NRXN3: variants seen among roughly 807,000 people sequenced by gnomAD.
NRXN3 encodes the protein neurexin 3.
Under a neutral mutation model 137.6 loss-of-function variants are expected in NRXN3, and 32 were observed. That is an observed-to-expected ratio of 0.23 (90% CI 0.18 to 0.31). The LOEUF is 0.31. Among genes scored for constraint, NRXN3 ranks in the 10% least tolerant of loss-of-function variants. The probability of loss-of-function intolerance (pLI) is 1.00; values close to 1 mark genes in which losing one functional copy is unlikely to be tolerated. For synonymous variants in NRXN3, 798 were observed against 784.5 expected, an observed-to-expected ratio of 1.02 and a Z score of -0.29; for missense variants, 1,574 against 2,062.5, an observed-to-expected ratio of 0.76 and a Z score of 4.59.
At chr14:78,913,236 T>C in intron 10 of NRXN3, among the ~76,000 whole-genome samples, 1 of 150,894 alleles carries the variant, frequency 6.6e-6, no homozygotes, top group Non-Finnish European at 1.5e-5. Flanking sequence ...TTCTTTTTTC[T>C]TTTCCTTTCT....
chr14:79,524,888 T>C (rs141626322), intron 16 of NRXN3, among the ~76,000 whole-genome samples: 1,868 of 152,330 alleles, frequency 0.012, 32 homozygotes, highest in African/African-American at 0.043. Context: ...CTAATGGTAA[T>C]GGACTGAGGC....
In NRXN3 at chr14:78,442,915, C is replaced by T. The variant is rs569852471; in HGVS notation, c.757+145055C>T. Among the ~76,000 whole-genome samples, 6 of 152,304 alleles carry T rather than the reference C, an allele frequency of 3.9e-5. No individual in the cohort carries two copies. In the South Asian group the frequency reaches 1.2e-3, roughly 32 times the overall value. ...ACTTACAGATTACTCTGACTTACCTCATTGCGTTTTGTATTTATGGTAAAC... is the reference window on the plus strand; with the variant it reads ...ACTTACAGATTACTCTGACTTACCTTATTGCGTTTTGTATTTATGGTAAAC... On this transcript the variant is annotated intron_variant, in intron 4 of 20. Transcript: ENST00000335750.
chr14:78,252,923 A>T (rs1278640976), intron 2 of NRXN3, among the ~76,000 whole-genome samples: 3 of 152,228 alleles, frequency 2.0e-5, no homozygotes, highest in Non-Finnish European at 4.4e-5. Context: ...AAAGGGCTGG[A>T]CAGGCTGGGA....
At chr14:79,762,729 C>T (rs2099042899) in intron 19 of NRXN3, among the ~76,000 whole-genome samples, 1 of 151,492 alleles carries the variant, frequency 6.6e-6, no homozygotes, top group Non-Finnish European at 1.5e-5. Flanking sequence ...CGATGCCTGT[C>T]ACAAAGAAAA....
chr14:78,749,705 G>T (rs2098631838), intron 8 of NRXN3, among the ~76,000 whole-genome samples: 1 of 152,180 alleles, frequency 6.6e-6, no homozygotes, highest in African/African-American at 2.4e-5. Flanking sequence ...TGAATGGGGA[G>T]GCAGAAACAT....
Position 79,429,715 on chromosome 14 carries a change from A to T in NRXN3, c.3263-37506A>T, listed in dbSNP as rs547709981. 7.2e-5 allele frequency among the ~76,000 whole-genome samples: 11 copies of T among 152,256 alleles called. No individual in the cohort carries two copies. The South Asian group carries it at 2.3e-3, about 32-fold the overall frequency. On this transcript the variant is annotated intron_variant, in intron 15 of 20. Coordinates refer to ENST00000335750, the MANE Select transcript of NRXN3 (RefSeq NM_001330195.2). ...TCTTCGCAAGGGCTTCTAGTCATTG[A>T]CTTACCCAGATCTATCGTCACCTCT...
chr14:78,172,345 G>A (rs1023627270), intron 1 of NRXN3, among the ~76,000 whole-genome samples: 9 of 152,136 alleles, frequency 5.9e-5, no homozygotes, highest in Non-Finnish European at 1.2e-4. Context: ...CATCGTTCAA[G>A]GGCTTCTGCA....
intron 12 of NRXN3, 30 bp from the exon 13 acceptor site, chr14:78,967,178 A>G: frequency 6.5e-7 from 1 of 1,536,124 alleles, no homozygotes; most frequent in Non-Finnish European, 8.8e-7. Context: ...GGATTTTCCA[A>G]TTATTGTTTT....
Position 78,741,764 on chromosome 14 carries a change from A to G in NRXN3, c.2044+26625A>G, listed in dbSNP as rs533763652. On this transcript the variant is annotated intron_variant, in intron 8 of 20. Coordinates refer to ENST00000335750, the MANE Select transcript of NRXN3 (RefSeq NM_001330195.2). ...CCACTATCGTGTACAGTGGATCTCT[A>G]GGACTTATTCATCTTGTATAACCAA... 2.6e-5 allele frequency among the ~76,000 whole-genome samples: 4 copies of G among 152,310 alleles called. No homozygotes were observed. The East Asian group carries it at 7.7e-4, about 29-fold the overall frequency.
chr14:78,944,589 A>T (rs1260222045), intron 10 of NRXN3, among the ~76,000 whole-genome samples: 14 of 152,156 alleles, frequency 9.2e-5, no homozygotes, highest in African/African-American at 2.9e-4. Context: ...CACAGAGATG[A>T]AGCCCATGTG....
intron 8 of NRXN3, among the ~76,000 whole-genome samples, chr14:78,757,468 G>T (rs2098674303): frequency 1.3e-5 from 2 of 151,494 alleles, no homozygotes; most frequent in African/African-American, 4.9e-5. Flanking sequence ...CCTCCCATGT[G>T]CTAGGCAGAG....
At chr14:79,440,602 A>G (rs2095920608) in intron 15 of NRXN3, among the ~76,000 whole-genome samples, 1 of 152,194 alleles carries the variant, frequency 6.6e-6, no homozygotes, top group South Asian at 2.1e-4. Context: ...GGATTTGTAT[A>G]AATCTCTGTA....
intron 10 of NRXN3, among the ~76,000 whole-genome samples, chr14:78,938,044 T>C (rs2099345453): frequency 6.6e-6 from 1 of 152,256 alleles, no homozygotes; most frequent in African/African-American, 2.4e-5. Flanking sequence ...ATAACCAGGA[T>C]ATGAGTTGCT....
chr14:79,220,278 T>G (rs1157655828), intron 15 of NRXN3, among the ~76,000 whole-genome samples: 2 of 152,196 alleles, frequency 1.3e-5, no homozygotes, highest in Non-Finnish European at 2.9e-5. Context: ...TTGGTTTTCT[T>G]TTTTCCTTTT....
rs1030704328 is a variant in NRXN3, at chr14:78,871,953, T to C, written c.2275+61609T>C. ...TCTGTTAGATTATCACATATAAATG[T>C]GTAAAAACATAGATATTCCTGCAAA... is the stretch of plus-strand genomic sequence containing the variant. On this transcript the variant is annotated intron_variant, in intron 10 of 20. Coordinates refer to ENST00000335750, the MANE Select transcript of NRXN3 (RefSeq NM_001330195.2). Among the ~76,000 whole-genome samples, 3 of 152,016 alleles carry C rather than the reference T, an allele frequency of 2.0e-5. No homozygotes were observed. In the East Asian group the frequency reaches 5.8e-4, roughly 29 times the overall value.
intron 15 of NRXN3, among the ~76,000 whole-genome samples, chr14:79,389,854 C>G (rs1264797797): frequency 1.3e-5 from 2 of 152,042 alleles, no homozygotes; most frequent in Non-Finnish European, 2.9e-5. Flanking sequence ...TTGAACAATT[C>G]TGTGAAGAAT....
At chr14:79,720,965 C>G (rs944338576) in intron 19 of NRXN3, among the ~76,000 whole-genome samples, 5 of 151,956 alleles carry the variant, frequency 3.3e-5, no homozygotes, top group African/African-American at 4.8e-5. Flanking sequence ...ACAGAGGAAA[C>G]CTAAGAGTTA....
intron 15 of NRXN3, among the ~76,000 whole-genome samples, chr14:79,225,143 A>G (rs752732002): frequency 6.6e-6 from 1 of 152,198 alleles, no homozygotes; most frequent in Non-Finnish European, 1.5e-5. Flanking sequence ...AGGAATAGTC[A>G]TAAAAAGAGC....
At chr14:78,667,185 G>A (rs1420902627) in intron 6 of NRXN3, among the ~76,000 whole-genome samples, 4 of 152,072 alleles carry the variant, frequency 2.6e-5, no homozygotes, top group African/African-American at 9.7e-5. Flanking sequence ...GATTTAGGAG[G>A]TAGACTTCCA....
Sources: allele counts gnomAD v4.1 joint callset (sites outside exome capture counted in the v4.1 genomes callset), GRCh38; gene constraint gnomAD v4.1.1; transcripts MANE v1.5; gene names NCBI Gene and HGNC (gene_info 2026-07-23, HGNC 2026-07-21).